Variants in LRRC7 observed in about 807,000 individuals in gnomAD.
LRRC7 encodes leucine-rich repeat-containing protein 7.
In LRRC7, 23 loss-of-function variants were observed where a neutral mutation model predicts 175.7. The observed-to-expected ratio is 0.13, with a 90% CI of 0.09 to 0.19. LRRC7 has a LOEUF of 0.19. LRRC7 is among the 10% of genes least tolerant of loss of function. LRRC7 has a pLI of 1.00. For synonymous variants in LRRC7, 685 were observed against 680.9 expected, an observed-to-expected ratio of 1.01 and a Z score of -0.09; for missense variants, 1,354 against 1,904.7, an observed-to-expected ratio of 0.71 and a Z score of 5.38.
intron 4 of LRRC7, among the ~76,000 whole-genome samples, chr1:69,807,737 C>T (rs1387494225): frequency 6.6e-6 from 1 of 151,974 alleles, no homozygotes; most frequent in Non-Finnish European, 1.5e-5. Flanking sequence ...ACATGTTTTC[C>T]TTCATTTCAA....
At chr1:69,919,517 G>T (rs1007356902) in intron 7 of LRRC7, 5 of 832,372 alleles carry the variant, frequency 6.0e-6, no homozygotes, top group African/African-American at 1.7e-5. Context: ...GAGCCCGCCA[G>T]GGTCCGCCGC....
At chr1:69,577,253 A>G (rs1645992216) in intron 1 of LRRC7, among the ~76,000 whole-genome samples, 1 of 152,136 alleles carries the variant, frequency 6.6e-6, no homozygotes, top group Non-Finnish European at 1.5e-5. Context: ...TATATAAAGG[A>G]ATATGTTGTT....
intron 1 of LRRC7, among the ~76,000 whole-genome samples, chr1:69,588,021 G>T (rs1646474143): frequency 6.6e-6 from 1 of 152,122 alleles, no homozygotes. Flanking sequence ...ACCCTGTCTT[G>T]CCCAAGCCTT....
At chr1:69,846,924 C>A (rs1295934964) in intron 7 of LRRC7, among the ~76,000 whole-genome samples, 2 of 151,934 alleles carry the variant, frequency 1.3e-5, no homozygotes, top group Non-Finnish European at 2.9e-5. Flanking sequence ...ATAATAAATT[C>A]TTAAAAATAA....
chr1:69,991,662 G>T (rs1025457248), intron 10 of LRRC7, among the ~76,000 whole-genome samples: 1 of 152,132 alleles, frequency 6.6e-6, no homozygotes, highest in Non-Finnish European at 1.5e-5. Flanking sequence ...TTGGATCATG[G>T]ATTATCTATT....
intron 4 of LRRC7, among the ~76,000 whole-genome samples, chr1:69,817,372 G>A (rs536703810): frequency 6.6e-6 from 1 of 151,976 alleles, no homozygotes; most frequent in South Asian, 2.1e-4. Context: ...AGTTTTCTCA[G>A]CACCATTTGT....
chr1:69,642,148 T>C (rs1305480502), intron 1 of LRRC7, among the ~76,000 whole-genome samples: 4 of 152,000 alleles, frequency 2.6e-5, no homozygotes, highest in East Asian at 1.9e-4. Flanking sequence ...TATGATAATT[T>C]TATAAAGTTT....
At chr1:69,696,133 G>A (rs1158580955) in intron 2 of LRRC7, among the ~76,000 whole-genome samples, 2 of 152,168 alleles carry the variant, frequency 1.3e-5, no homozygotes, top group African/African-American at 4.8e-5. Flanking sequence ...AACCTGTAAG[G>A]GCACCCACAG....
In LRRC7 at chr1:70,018,702, A is replaced by G. The variant is rs1571030116; in HGVS notation, c.1321-17A>G. 6.4e-7 allele frequency: 1 copy of G among 1,568,562 alleles called. No homozygotes were observed. The highest frequency in any genetic ancestry group is 1.7e-4 in the Middle Eastern group (1 of 5,968). On this transcript the variant is annotated splice_polypyrimidine_tract_variant and intron_variant, in intron 14 of 26. Transcript: ENST00000651989. Reference sequence around the variant, plus strand: ...TTGCAATTGTATTCATCTAATTTGTATGTTCTTTGCTTCTAGTCCAAAGCC... The same window carrying G: ...TTGCAATTGTATTCATCTAATTTGTGTGTTCTTTGCTTCTAGTCCAAAGCC...
intron 24 of LRRC7, among the ~76,000 whole-genome samples, chr1:70,088,931 A>G (rs1663812969): frequency 6.6e-6 from 1 of 152,226 alleles, no homozygotes; most frequent in Non-Finnish European, 1.5e-5. Context: ...AGTCATGTTT[A>G]ATAGACTTTC....
At chr1:69,901,613 C>T (rs1473263175) in intron 7 of LRRC7, among the ~76,000 whole-genome samples, 1 of 152,162 alleles carries the variant, frequency 6.6e-6, no homozygotes, top group African/African-American at 2.4e-5. Flanking sequence ...CTGAACCAGC[C>T]TTCTCCAAGA....
chr1:69,863,573 T>C (rs1435925453), intron 7 of LRRC7, among the ~76,000 whole-genome samples: 3 of 152,200 alleles, frequency 2.0e-5, no homozygotes, highest in Non-Finnish European at 4.4e-5. Flanking sequence ...ATAGGAAATA[T>C]GGTAATGGAC....
intron 18 of LRRC7, 113 bp downstream of exon 18, chr1:70,028,484 A>T: frequency 1.1e-6 from 1 of 903,086 alleles, no homozygotes; most frequent in Middle Eastern, 2.3e-4. Context: ...CCTAAAATAT[A>T]AATGATCTCT....
At chr1:69,653,773 T>C (rs1656205774) in intron 1 of LRRC7, among the ~76,000 whole-genome samples, 1 of 152,054 alleles carries the variant, frequency 6.6e-6, no homozygotes. Context: ...AGTATAATAT[T>C]ACTTGCCATA....
At chr1:69,799,254 G>T (rs1244994149) in intron 4 of LRRC7, among the ~76,000 whole-genome samples, 4 of 151,720 alleles carry the variant, frequency 2.6e-5, no homozygotes, top group Non-Finnish European at 5.9e-5. Flanking sequence ...TGTTTTGTTA[G>T]GTGCATACAA....
intron 7 of LRRC7, among the ~76,000 whole-genome samples, chr1:69,891,520 C>G (rs2101644441): frequency 6.6e-6 from 1 of 152,170 alleles, no homozygotes; most frequent in African/African-American, 2.4e-5. Context: ...TCACTTGAGG[C>G]CTGGAGTTCA....
chr1:70,143,078 C>CTCATT lies in LRRC7; in HGVS notation c.*21195_*21199dup, dbSNP rs1667138910. On this transcript the variant is annotated 3_prime_UTR_variant, in exon 27 of 27. Coordinates refer to ENST00000651989, the MANE Select transcript of LRRC7 (RefSeq NM_001370785.2). ...ACACACACACATAAATTTTCTTTTT[C>CTCATT]TCATTTCAGCTCATATAATTCAGTT... 1 of 151,908 alleles carries CTCATT rather than the reference C, an allele frequency of 6.6e-6. No homozygotes were observed. Among genetic ancestry groups the CTCATT allele is most frequent in the Admixed American group, 6.6e-5 (1 of 15,244 alleles). 9.4% of individuals were successfully genotyped at this position (151,908 alleles called of 1,614,324 possible). A position where few individuals can be genotyped will look rare whatever the true frequency, so the allele number is the denominator to read the frequency against.
intron 4 of LRRC7, among the ~76,000 whole-genome samples, chr1:69,809,452 C>T (rs1677545471): frequency 6.6e-6 from 1 of 152,114 alleles, no homozygotes; most frequent in East Asian, 1.9e-4. Flanking sequence ...GATACCAAAA[C>T]CTGGCAGAGA....
At chr1:69,730,155 C>G (rs1181248298) in intron 2 of LRRC7, among the ~76,000 whole-genome samples, 1 of 152,156 alleles carries the variant, frequency 6.6e-6, no homozygotes, top group Non-Finnish European at 1.5e-5. Flanking sequence ...TTTTTCCCTC[C>G]TAGGCCTTCA....
Sources: allele counts gnomAD v4.1 joint callset (sites outside exome capture counted in the v4.1 genomes callset), GRCh38; gene constraint gnomAD v4.1.1; transcripts MANE v1.5; gene names NCBI Gene and HGNC (gene_info 2026-07-23, HGNC 2026-07-21).